CTCF: variants seen among roughly 807,000 people sequenced by gnomAD.
CTCF encodes CCCTC-binding factor, also known as transcriptional repressor CTCF.
A neutral mutation model predicts 72.3 loss-of-function variants in CTCF; 7 were observed. The ratio of observed to expected loss-of-function variants is 0.10; its 90% CI spans 0.06 to 0.18. CTCF has a LOEUF of 0.18. Among genes scored for constraint, CTCF ranks in the 10% least tolerant of loss-of-function variants. The pLI is 1.00. For synonymous variants in CTCF, 374 were observed against 315.8 expected, an observed-to-expected ratio of 1.18 and a Z score of -1.95; for missense variants, 516 against 949.1, an observed-to-expected ratio of 0.54 and a Z score of 6.00.
intron 5 of CTCF, 42 bp from the exon 6 acceptor site, chr16:67,620,655 T>A (rs779507040): frequency 2.8e-5 from 41 of 1,480,660 alleles, no homozygotes; most frequent in Admixed American, 1.7e-4. Flanking sequence ...TGTTACAGTC[T>A]GTGTTAACAG....
chr16:67,604,396 G>T (rs2051941349), intron 2 of CTCF, among the ~76,000 whole-genome samples: 1 of 152,142 alleles, frequency 6.6e-6, no homozygotes. Flanking sequence ...AGGCTGGAGT[G>T]CAGTGGCGCG....
intron 2 of CTCF, among the ~76,000 whole-genome samples, chr16:67,598,624 G>T (rs1187959725): frequency 6.6e-6 from 1 of 152,168 alleles, no homozygotes; most frequent in African/African-American, 2.4e-5. Context: ...TTTCCTTGAA[G>T]AAAAGCTTTT....
At chr16:67,584,337 C>CTTCTTT (rs1462998203) in intron 2 of CTCF, among the ~76,000 whole-genome samples, 10 of 105,836 alleles carry the variant, frequency 9.4e-5, no homozygotes, top group African/African-American at 1.3e-4. Context: ...AAAAAGTCTT[C>CTTCTTT]TTTTTTTTTT....
At chr16:67,586,552 T>A (rs1393934344) in intron 2 of CTCF, among the ~76,000 whole-genome samples, 2 of 149,416 alleles carry the variant, frequency 1.3e-5, no homozygotes, top group African/African-American at 5.0e-5. Flanking sequence ...AAAAAAAAAA[T>A]TTCCTGGGCA....
intron 10 of CTCF, among the ~76,000 whole-genome samples, chr16:67,631,246 A>G (rs1414385577): frequency 3.4e-5 from 5 of 147,312 alleles, no homozygotes; most frequent in Admixed American, 1.3e-4. Context: ...GCTCACTGCA[A>G]CCTCCACCTT....
At chr16:67,619,489 TTTTG>T (rs759875152) in intron 5 of CTCF, among the ~76,000 whole-genome samples, 41 of 152,314 alleles carry the variant, frequency 2.7e-4, no homozygotes, top group African/African-American at 6.3e-4. Flanking sequence ...TTTTTTTGTT[TTTTG>T]TTTGTTTGTT....
chr16:67,569,154 A>G (rs1410928918), intron 1 of CTCF, among the ~76,000 whole-genome samples: 3 of 146,552 alleles, frequency 2.0e-5, no homozygotes, highest in Non-Finnish European at 4.5e-5. Flanking sequence ...GGAAACACTT[A>G]GTTCAAATTT....
In CTCF at chr16:67,611,546, A is replaced by G. The variant is rs1414981641; in HGVS notation, c.714A>G (p.Ser238=). ...FEEEQQEGLL[S]EVNAEKVVGN... is the part of the protein sequence containing the mutation. ...AAGAACAGCAGGAGGGTCTGCTATC[A>G]GAGGTTAATGCAGAGAAAGTGGTTG... Residue 238 remains serine (S), a synonymous_variant, in exon 3 of 12, where the codon TCA becomes TCG. Coordinates refer to ENST00000264010, the MANE Select transcript of CTCF (RefSeq NM_006565.4). 2.5e-6 allele frequency: 4 copies of G among 1,614,230 alleles called. No individual in the cohort carries two copies. Among genetic ancestry groups the G allele is most frequent in the Non-Finnish European group, 3.4e-6 (4 of 1,180,018 alleles).
In CTCF at chr16:67,612,137, G is replaced by A. The variant is rs770228926; in HGVS notation, c.952+16G>A. 4 of 1,600,006 alleles carry A rather than the reference G, an allele frequency of 2.5e-6. No homozygotes were observed. The highest frequency in any genetic ancestry group is 1.1e-5 in the South Asian group (1 of 89,046). On this transcript the variant is annotated intron_variant, in intron 4 of 11. Transcript: ENST00000264010. ...ACACACACAGGTGCTGGATAAGAATGTTGGGGGCTACAACAGCAAATGCTC... is the reference window on the plus strand; with the variant it reads ...ACACACACAGGTGCTGGATAAGAATATTGGGGGCTACAACAGCAAATGCTC...
chr16:67,574,245 T>C (rs1185232860), intron 2 of CTCF, among the ~76,000 whole-genome samples: 2 of 152,186 alleles, frequency 1.3e-5, no homozygotes, highest in Admixed American at 1.3e-4. Flanking sequence ...CAAGTTGAGT[T>C]TCCCACGACC....
intron 10 of CTCF, among the ~76,000 whole-genome samples, chr16:67,632,534 C>T (rs944681664): frequency 1.3e-5 from 2 of 152,200 alleles, no homozygotes; most frequent in African/African-American, 4.8e-5. Flanking sequence ...AGAAGTTCTG[C>T]CTGTCGGCTG....
chr16:67,619,642 G>T (rs1346067125), intron 5 of CTCF, among the ~76,000 whole-genome samples: 1 of 152,126 alleles, frequency 6.6e-6, no homozygotes, highest in Non-Finnish European at 1.5e-5. Flanking sequence ...CTGCAGTGGC[G>T]TGATCATGGC....
At chr16:67,598,797 G>A (rs767250785) in intron 2 of CTCF, among the ~76,000 whole-genome samples, 6 of 152,238 alleles carry the variant, frequency 3.9e-5, no homozygotes, top group Non-Finnish European at 7.3e-5. Flanking sequence ...CTGGGATAAA[G>A]CCTAGACTAG....
chr16:67,596,198 C>T lies in CTCF; in HGVS notation c.-9-14626C>T, dbSNP rs1440232210. 7.2e-5 allele frequency among the ~76,000 whole-genome samples: 11 copies of T among 152,230 alleles called. No homozygotes were observed. The East Asian group carries it at 7.7e-4, about 11-fold the overall frequency. On this transcript the variant is annotated intron_variant, in intron 2 of 11. Coordinates refer to ENST00000264010, the MANE Select transcript of CTCF (RefSeq NM_006565.4). ...CGATCTCCTGACCTCGTGATCTGCC[C>T]GCCTTGGCCTCCCAAAGTGCTGGGA... is the stretch of plus-strand genomic sequence containing the variant.
intron 2 of CTCF, 173 bp from the exon 3 acceptor site, chr16:67,610,651 G>A (rs1411551574): frequency 8.0e-6 from 3 of 374,204 alleles, no homozygotes; most frequent in Non-Finnish European, 1.4e-5. Context: ...ACTGCACCTG[G>A]CCAGTAGTGG....
In CTCF at chr16:67,628,309, G is replaced by A; in HGVS notation, c.1519-61G>A. ...ACCTGTTGGCCACATGCATGCAGGT[G>A]GCAGCTGGGGCAGTAGCCCCATGAG... On this transcript the variant is annotated intron_variant, in intron 8 of 11. Transcript: ENST00000264010. 2.0e-6 allele frequency: 3 copies of A among 1,513,018 alleles called. No homozygotes were observed. The South Asian group carries it at 3.5e-5, about 18-fold the overall frequency. 93.7% of individuals were successfully genotyped at this position (1,513,018 alleles called of 1,614,324 possible).
intron 7 of CTCF, among the ~76,000 whole-genome samples, chr16:67,625,254 A>C (rs1412859815): frequency 6.6e-6 from 1 of 151,678 alleles, no homozygotes; most frequent in Non-Finnish European, 1.5e-5. Context: ...GCAGTAGCAC[A>C]ATCTTGGCTC....
chr16:67,578,540 C>A (rs1377218496), intron 2 of CTCF, among the ~76,000 whole-genome samples: 4 of 148,650 alleles, frequency 2.7e-5, no homozygotes, highest in African/African-American at 9.8e-5. Flanking sequence ...ACCGTGTTGG[C>A]CAGGCTGGTC....
intron 2 of CTCF, among the ~76,000 whole-genome samples, chr16:67,606,799 G>T (rs1296208640): frequency 7.7e-6 from 1 of 130,572 alleles, no homozygotes; most frequent in Non-Finnish European, 1.5e-5. Context: ...CACTCTTATC[G>T]CCCAGGCTCC....
Sources: gnomAD v4.1 joint callset for allele counts (sites outside exome capture counted in the v4.1 genomes callset) on GRCh38, gnomAD v4.1.1 for gene constraint, MANE v1.5 for transcripts, NCBI Gene and HGNC (gene_info 2026-07-23, HGNC 2026-07-21) for gene names.